CSMD1: variants seen among roughly 807,000 people sequenced by gnomAD.
CSMD1 encodes the protein CUB and sushi domain-containing protein 1.
In CSMD1, 213 loss-of-function variants were observed where a neutral mutation model predicts 417.5. That is an observed-to-expected ratio of 0.51 (90% CI 0.46 to 0.57). The LOEUF (loss-of-function observed/expected upper bound fraction) is 0.57, where lower values mean the gene tolerates loss of function less well. Ranked by LOEUF, CSMD1 falls within the 20% of genes least tolerant of loss-of-function variation. The pLI is 0.00. For synonymous variants in CSMD1, 2,862 were observed against 1,736.8 expected (o/e 1.65, Z -16.11); for missense variants, 6,923 against 4,529.7 (o/e 1.53, Z -15.17).
rs138082497 is a variant in CSMD1 at position 2,954,048 on chromosome 8, T to G, written c.10039+176A>C. ...GTAATGTTATTTCATTAACAAACCA[T>G]TGTTGTGAAATAAACAGAATTCCAT... On this transcript the variant is annotated intron_variant, in intron 65 of 69. Coordinates refer to ENST00000635120, the MANE Select transcript of CSMD1 (RefSeq NM_033225.6). Among the ~76,000 whole-genome samples, 308 of 152,376 alleles carry G rather than the reference T, an allele frequency of 2.0e-3. 2 individuals are homozygous for G. Among genetic ancestry groups the G allele is most frequent in the African/African-American group, 7.3e-3 (302 of 41,594 alleles).
intron 1 of CSMD1, among the ~76,000 whole-genome samples, chr8:4,798,497 T>C (rs1321005624): frequency 6.6e-6 from 1 of 152,150 alleles, no homozygotes; most frequent in Non-Finnish European, 1.5e-5. Flanking sequence ...GAATTGAAAA[T>C]TGCTTACTCT....
At chr8:4,820,606 T>A (rs1799468982) in intron 1 of CSMD1, among the ~76,000 whole-genome samples, 1 of 152,176 alleles carries the variant, frequency 6.6e-6, no homozygotes, top group South Asian at 2.1e-4. Context: ...GATAGCTTTC[T>A]GAAATCACTG....
At chr8:4,064,027 A>C (rs756674278) in intron 3 of CSMD1, among the ~76,000 whole-genome samples, 1 of 152,224 alleles carries the variant, frequency 6.6e-6, no homozygotes, top group African/African-American at 2.4e-5. Flanking sequence ...CAGATGCTCA[A>C]CTGACACCAG....
At chr8:3,246,775 T>C (rs1799911272) in intron 26 of CSMD1, among the ~76,000 whole-genome samples, 1 of 152,214 alleles carries the variant, frequency 6.6e-6, no homozygotes, top group African/African-American at 2.4e-5. Flanking sequence ...GCCTGGACTT[T>C]TTATTTTCTT....
chr8:4,349,137 G>A (rs894056693), intron 3 of CSMD1, among the ~76,000 whole-genome samples: 1 of 152,144 alleles, frequency 6.6e-6, no homozygotes, highest in South Asian at 2.1e-4. Flanking sequence ...GTCTGAATCC[G>A]AATACAGAGC....
chr8:4,714,771 A>G (rs1052261475), intron 1 of CSMD1, among the ~76,000 whole-genome samples: 4 of 152,354 alleles, frequency 2.6e-5, no homozygotes, highest in African/African-American at 9.6e-5. Context: ...TAGAGGAAAA[A>G]TAATGTTAGG....
intron 1 of CSMD1, among the ~76,000 whole-genome samples, chr8:4,753,605 C>A (rs117076960): frequency 2.6e-5 from 4 of 152,212 alleles, no homozygotes; most frequent in African/African-American, 9.6e-5. Flanking sequence ...CTGACATCCT[C>A]ACAGTATCAG....
intron 42 of CSMD1, among the ~76,000 whole-genome samples, chr8:3,112,080 C>T (rs1816555360): frequency 6.6e-6 from 1 of 152,000 alleles, no homozygotes; most frequent in Non-Finnish European, 1.5e-5. Flanking sequence ...GAGCACACGG[C>T]TCCCACGAGA....
chr8:4,703,934 A>C (rs1422552133), intron 1 of CSMD1, among the ~76,000 whole-genome samples: 2 of 152,134 alleles, frequency 1.3e-5, no homozygotes, highest in Non-Finnish European at 2.9e-5. Context: ...TTAGATTCTC[A>C]CAAGTAGCAC....
At chr8:3,678,945 T>C (rs548428797) in intron 7 of CSMD1, among the ~76,000 whole-genome samples, 3 of 152,220 alleles carry the variant, frequency 2.0e-5, no homozygotes, top group South Asian at 2.1e-4. Flanking sequence ...TTAAGCTTCA[T>C]AAGTGAAGAA....
chr8:4,195,786 G>C lies in CSMD1; in HGVS notation c.416-163687C>G, dbSNP rs3887814. Among the ~76,000 whole-genome samples, 1,491 of 152,254 alleles carry C rather than the reference G, an allele frequency of 9.8e-3. 74 individuals are homozygous for C. In the East Asian group the frequency reaches 0.16, roughly 16 times the overall value. ...AGGTAGTGGATTCTGCACACAACCT[G>C]AATGAGCTTGGATGCACAGTCCTGC... On this transcript the variant is annotated intron_variant, in intron 3 of 69. Transcript: ENST00000635120.
At chr8:4,853,658 AC>A (rs758642438) in intron 1 of CSMD1, among the ~76,000 whole-genome samples, 4 of 152,158 alleles carry the variant, frequency 2.6e-5, no homozygotes, top group Admixed American at 1.3e-4. Flanking sequence ...CTGGAACACT[AC>A]CCAGTGGAGC....
At chr8:3,100,814 A>C (rs576000581) in intron 46 of CSMD1, among the ~76,000 whole-genome samples, 2 of 152,288 alleles carry the variant, frequency 1.3e-5, no homozygotes, top group South Asian at 4.1e-4. Context: ...GGGATTTATG[A>C]GTAACTAAGA....
chr8:3,202,781 C>T (rs1160312453), intron 31 of CSMD1, among the ~76,000 whole-genome samples: 1 of 152,130 alleles, frequency 6.6e-6, no homozygotes, highest in Non-Finnish European at 1.5e-5. Flanking sequence ...TATAGACACA[C>T]ATACATATAT....
At chr8:4,279,980 G>A (rs754215805) in intron 3 of CSMD1, among the ~76,000 whole-genome samples, 5 of 152,214 alleles carry the variant, frequency 3.3e-5, no homozygotes, top group African/African-American at 9.6e-5. Context: ...GGATACTGGT[G>A]TTTCAAACAG....
chr8:4,544,170 G>T lies in CSMD1; in HGVS notation c.302+93172C>A, dbSNP rs187838348. Among the ~76,000 whole-genome samples, 62 of 152,132 alleles carry T rather than the reference G, an allele frequency of 4.1e-4. No individual in the cohort carries two copies. The East Asian group carries it at 0.011, about 26-fold the overall frequency. ...TTTCATGGATCACACCTTTGATGTTGTATGTAAAAACCATTGCCAAACCTA... is the reference window on the plus strand; with the variant it reads ...TTTCATGGATCACACCTTTGATGTTTTATGTAAAAACCATTGCCAAACCTA... On this transcript the variant is annotated intron_variant, in intron 2 of 69. Transcript: ENST00000635120.
At chr8:3,020,299 G>A (rs1809255521) in intron 51 of CSMD1, among the ~76,000 whole-genome samples, 1 of 152,210 alleles carries the variant, frequency 6.6e-6, no homozygotes, top group African/African-American at 2.4e-5. Flanking sequence ...TGAACCAAAA[G>A]TAGAAAAACC....
At chr8:4,350,472 C>T (rs905732347) in intron 3 of CSMD1, among the ~76,000 whole-genome samples, 1 of 152,196 alleles carries the variant, frequency 6.6e-6, no homozygotes, top group Admixed American at 6.5e-5. Context: ...TCTTTGCCTG[C>T]TACAAACCAC....
At chr8:3,188,044 T>C (rs1796166937) in intron 35 of CSMD1, 79 bp from the exon 36 acceptor site, 1 of 920,368 alleles carries the variant, frequency 1.1e-6, no homozygotes, top group African/African-American at 1.7e-5. Context: ...TTTGGGGTTT[T>C]TCATGATTAA....
Sources: gnomAD v4.1 joint callset for allele counts (sites outside exome capture counted in the v4.1 genomes callset) on GRCh38, gnomAD v4.1.1 for gene constraint, MANE v1.5 for transcripts, NCBI Gene and HGNC (gene_info 2026-07-23, HGNC 2026-07-21) for gene names.